CACNA1C: variants seen among roughly 807,000 people sequenced by gnomAD.
The protein encoded by CACNA1C is calcium voltage-gated channel subunit alpha1 C.
In CACNA1C, 30 loss-of-function variants were observed where a neutral mutation model predicts 229.0. The ratio of observed to expected loss-of-function variants is 0.13; its 90% CI spans 0.10 to 0.18. The LOEUF is 0.18. CACNA1C is among the 10% of genes least tolerant of loss of function. CACNA1C has a pLI of 1.00. For missense variants in CACNA1C, 1,658 were observed against 2,845.0 expected, an observed-to-expected ratio of 0.58 and a Z score of 9.49; for synonymous variants, 1,114 against 1,132.5, an observed-to-expected ratio of 0.98 and a Z score of 0.33.
intron 9 of CACNA1C, among the ~76,000 whole-genome samples, chr12:2,520,730 G>A (rs1161274507): frequency 1.5e-5 from 2 of 135,078 alleles, no homozygotes; most frequent in Non-Finnish European, 3.1e-5. Context: ...GTGCTTCATA[G>A]GAGGGAAGCC....
At chr12:2,169,776 CCTT>C (rs1299642321) in intron 3 of CACNA1C, among the ~76,000 whole-genome samples, 1 of 152,170 alleles carries the variant, frequency 6.6e-6, no homozygotes, top group East Asian at 1.9e-4. Context: ...TCTCCTGCCT[CCTT>C]GACTCCGGGC....
intron 3 of CACNA1C, among the ~76,000 whole-genome samples, chr12:2,253,002 A>G (rs891779766): frequency 4.6e-5 from 7 of 152,044 alleles, no homozygotes; most frequent in African/African-American, 1.5e-4. Flanking sequence ...TTTCTAGCTC[A>G]TGTTCCCGGA....
intron 4 of CACNA1C, among the ~76,000 whole-genome samples, chr12:2,454,763 T>G (rs1405476825): frequency 6.6e-6 from 1 of 152,198 alleles, no homozygotes; most frequent in Non-Finnish European, 1.5e-5. Context: ...TCTGAGCTAA[T>G]TCTTTCAGCA....
intron 29 of CACNA1C, among the ~76,000 whole-genome samples, chr12:2,628,769 G>A (rs2088658959): frequency 6.6e-6 from 1 of 152,106 alleles, no homozygotes; most frequent in Admixed American, 6.5e-5. Flanking sequence ...AATTAGAGGG[G>A]CGTAGTACTT....
rs2090993792 is a variant in CACNA1C, at chr12:2,632,574, A to G, written c.3829-1723A>G. ...TTCTCTTCTCCAAACATGGTGAAAA[A>G]TAAACAAAATCCATAGCTACAGAAT... On this transcript the variant is annotated intron_variant, in intron 29 of 46. Coordinates refer to ENST00000399655, the MANE Select transcript of CACNA1C (RefSeq NM_000719.7). The surrounding 1 kb of genome is among the most constrained non-coding windows in gnomAD (Gnocchi z 4.1). 1.3e-5 allele frequency among the ~76,000 whole-genome samples: 2 copies of G among 152,204 alleles called. No individual in the cohort carries two copies. Among genetic ancestry groups the G allele is most frequent in the Admixed American group, 1.3e-4 (2 of 15,290 alleles).
intron 9 of CACNA1C, among the ~76,000 whole-genome samples, chr12:2,548,621 G>T (rs1031539578): frequency 6.6e-5 from 10 of 152,100 alleles, no homozygotes; most frequent in Admixed American, 6.5e-4. Flanking sequence ...GGTCAGAGAG[G>T]TCTCTCATAC....
chr12:2,420,864 G>A (rs1030099540), intron 3 of CACNA1C, among the ~76,000 whole-genome samples: 5 of 152,230 alleles, frequency 3.3e-5, no homozygotes, highest in Non-Finnish European at 7.3e-5. Context: ...ATGGGGTTTT[G>A]TATTTGAAGC....
chr12:2,060,136 C>G (rs1011462908), intron 1 of CACNA1C, among the ~76,000 whole-genome samples: 1 of 152,154 alleles, frequency 6.6e-6, no homozygotes, highest in Non-Finnish European at 1.5e-5. Flanking sequence ...GCCTCTAAGC[C>G]TTTTTTATTT....
rs2096842191 is a variant in CACNA1C, at chr12:2,181,585, C to G, written c.477+61155C>G. On this transcript the variant is annotated intron_variant, in intron 3 of 46. Coordinates refer to ENST00000399655, the MANE Select transcript of CACNA1C (RefSeq NM_000719.7). This position sits in a 1 kb window ranked among gnomAD's most constrained non-coding sequence, Gnocchi z 4.0. ...TATTTTATTCTTGTTGCCATCAGAA[C>G]TGCTACAAATATGACACAATTCCAT... Among the ~76,000 whole-genome samples, 1 of 152,136 alleles carries G rather than the reference C, an allele frequency of 6.6e-6. No individual in the cohort carries two copies. The highest frequency in any genetic ancestry group is 2.4e-5 in the African/African-American group (1 of 41,416).
chr12:2,494,094 A>G (rs2099741867), intron 7 of CACNA1C, among the ~76,000 whole-genome samples: 8 of 152,162 alleles, frequency 5.3e-5, no homozygotes, highest in Admixed American at 3.3e-4. Context: ...TACATGAGAC[A>G]TGGTGGTTTG....
intron 9 of CACNA1C, among the ~76,000 whole-genome samples, chr12:2,545,666 G>A (rs1475094781): frequency 6.6e-6 from 1 of 152,190 alleles, no homozygotes; most frequent in Non-Finnish European, 1.5e-5. Flanking sequence ...TTAAAATGAT[G>A]TATAACATAA....
chr12:2,602,337 T>G lies in CACNA1C; in HGVS notation c.2960+377T>G, dbSNP rs115266511. 6.7e-3 allele frequency among the ~76,000 whole-genome samples: 1,025 copies of G among 152,230 alleles called. 18 individuals carry two copies. The highest frequency in any genetic ancestry group is 0.023 in the African/African-American group (952 of 41,528). On this transcript the variant is annotated intron_variant, in intron 22 of 46. Coordinates refer to ENST00000399655, the MANE Select transcript of CACNA1C (RefSeq NM_000719.7). This position sits in a 1 kb window ranked among gnomAD's most constrained non-coding sequence, Gnocchi z 4.4. ...CCGTGACCTCCCCTGACCTGGACCC[T>G]CCTTCTCCCTTTCTCTCCCCTCTCT... is the stretch of plus-strand genomic sequence containing the variant.
intron 3 of CACNA1C, among the ~76,000 whole-genome samples, chr12:2,397,699 A>T (rs1034530262): frequency 6.6e-6 from 1 of 152,220 alleles, no homozygotes; most frequent in African/African-American, 2.4e-5. Context: ...GCTGGTGAGG[A>T]TGGAAACACC....
At chr12:2,371,408 G>C (rs2097860062) in intron 3 of CACNA1C, among the ~76,000 whole-genome samples, 1 of 152,198 alleles carries the variant, frequency 6.6e-6, no homozygotes, top group African/African-American at 2.4e-5. Flanking sequence ...AAGGGGCATA[G>C]ACTCCTTTGG....
rs187080426 is a variant in CACNA1C, at chr12:2,268,039, A to G, written c.477+147609A>G. On this transcript the variant is annotated intron_variant, in intron 3 of 46. Transcript: ENST00000399655. ...AAGAAGCAGGTTTTTAGGTTCTTTG[A>G]TTCTCTCCCAGAATAACAACCATAT... Among the ~76,000 whole-genome samples, 11 of 152,158 alleles carry G rather than the reference A, an allele frequency of 7.2e-5. No homozygotes were observed. The East Asian group carries it at 2.1e-3, about 29-fold the overall frequency.
chr12:2,157,534 A>G lies in CACNA1C; in HGVS notation c.477+37104A>G, dbSNP rs562197172. On this transcript the variant is annotated intron_variant, in intron 3 of 46. Transcript: ENST00000399655. ...CCATAAGCCTGTACTCTCTAGGCAG[A>G]AGATCTGCGTGGCTTTCCCTGGCAG... is the stretch of plus-strand genomic sequence containing the variant. Among the ~76,000 whole-genome samples, 24 of 152,348 alleles carry G rather than the reference A, an allele frequency of 1.6e-4. 1 individual carries two copies. The South Asian group carries it at 5.0e-3, about 32-fold the overall frequency.
intron 1 of CACNA1C, among the ~76,000 whole-genome samples, chr12:2,080,605 A>AAAAACAC (rs2065190078): frequency 1.4e-5 from 2 of 147,654 alleles, no homozygotes; most frequent in South Asian, 4.2e-4. Flanking sequence ...TGTCTCAAAA[A>AAAAACAC]AAAAAACAAA....
chr12:2,462,038 C>T (rs970152750), intron 5 of CACNA1C, among the ~76,000 whole-genome samples: 2 of 152,152 alleles, frequency 1.3e-5, no homozygotes, highest in African/African-American at 2.4e-5. Flanking sequence ...ATAGGCCCTG[C>T]GATCTCACGC....
intron 3 of CACNA1C, among the ~76,000 whole-genome samples, chr12:2,415,125 C>T (rs572011023): frequency 1.7e-4 from 26 of 152,296 alleles, no homozygotes; most frequent in Non-Finnish European, 2.8e-4. Context: ...GTCAGGGTGG[C>T]GAGGGGGCTC....
Sources: gnomAD v4.1 joint callset for allele counts (sites outside exome capture counted in the v4.1 genomes callset) on GRCh38, gnomAD v4.1.1 for gene constraint, Gnocchi (gnomAD v3.1) non-coding constraint, MANE v1.5 for transcripts, NCBI Gene and HGNC (gene_info 2026-07-23, HGNC 2026-07-21) for gene names.